The following ZNF536 variants were observed in gnomAD, a reference collection of about 807,000 sequenced individuals.
ZNF536 encodes the protein zinc finger protein 536.
ZNF536 carries 13 observed loss-of-function variants against 84.5 expected under a neutral mutation model. The ratio of observed to expected loss-of-function variants is 0.15; its 90% confidence interval spans 0.10 to 0.24. The LOEUF is 0.24. Ranked by LOEUF, ZNF536 falls within the 10% of genes least tolerant of loss-of-function variation. ZNF536 has a pLI of 1.00. For synonymous variants in ZNF536, 811 were observed against 742.5 expected (o/e 1.09, Z -1.50); for missense variants, 1,536 against 1,747.5 (o/e 0.88, Z 2.16).
intron 1 of ZNF536, among the ~76,000 whole-genome samples, chr19:30,409,906 A>G (rs2050409787): frequency 6.6e-6 from 1 of 152,156 alleles, no homozygotes; most frequent in Non-Finnish European, 1.5e-5. Flanking sequence ...GAATGCCTCT[A>G]AGTCCCTTTG....
intron 1 of ZNF536, among the ~76,000 whole-genome samples, chr19:30,270,641 C>T (rs145216053): frequency 7.2e-5 from 11 of 152,134 alleles, no homozygotes; most frequent in Middle Eastern, 3.4e-3. Flanking sequence ...GATCATGTGA[C>T]GGTTTGGTGA....
chr19:30,514,095 C>G (rs1313953692), intron 2 of ZNF536, among the ~76,000 whole-genome samples: 1 of 152,194 alleles, frequency 6.6e-6, no homozygotes, highest in African/African-American at 2.4e-5. Flanking sequence ...CCGTGGCAGG[C>G]TTTGCTTTGC....
chr19:30,404,729 G>GCA (rs1568396794), intron 1 of ZNF536, among the ~76,000 whole-genome samples: 9 of 152,122 alleles, frequency 5.9e-5, no homozygotes, highest in African/African-American at 2.2e-4. Context: ...CCAAATGTCC[G>GCA]GAGGCGGGGG....
In ZNF536 at chr19:30,247,814, G is replaced by A. The variant is rs2024366404; in HGVS notation, c.-190+19141G>A. Among the ~76,000 whole-genome samples, 3 of 152,352 alleles carry A rather than the reference G, an allele frequency of 2.0e-5. No homozygotes were observed. The South Asian group carries it at 6.2e-4, about 32-fold the overall frequency. The stretch of plus-strand genomic sequence containing the variant: ...ACTGCACTCCAGTCTGCGTGACAGA[G>A]TGAGATGCTGTCTCACTGTCACTTA... On this transcript the variant is annotated intron_variant, in intron 1 of 5. Coordinates refer to the ZNF536 transcript ENST00000585628.
At chr19:30,530,155 C>G (rs1809144731) in intron 2 of ZNF536, among the ~76,000 whole-genome samples, 7 of 152,180 alleles carry the variant, frequency 4.6e-5, no homozygotes, top group Admixed American at 4.6e-4. Context: ...GACCTCTGTC[C>G]ACATGTCTGC....
intron 1 of ZNF536, among the ~76,000 whole-genome samples, chr19:30,423,826 C>T (rs554528302): frequency 5.1e-4 from 72 of 141,840 alleles, no homozygotes; most frequent in African/African-American, 1.9e-3. Context: ...GCGGTCGCTG[C>T]GAAGGACGTC....
At chr19:30,310,906 C>G (rs1396371831) in intron 2 of ZNF536, among the ~76,000 whole-genome samples, 1 of 152,196 alleles carries the variant, frequency 6.6e-6, no homozygotes, top group Admixed American at 6.5e-5. Context: ...TTTGTAAAAC[C>G]CATTCCTCAT....
chr19:30,616,513 G>GATC (rs923512400), intron 1 of ZNF536, among the ~76,000 whole-genome samples: 1 of 152,068 alleles, frequency 6.6e-6, no homozygotes, highest in Non-Finnish European at 1.5e-5. Context: ...AACCCTATTT[G>GATC]ATCAAGGCCT....
At chr19:30,315,585 G>A (rs1055256354) in intron 2 of ZNF536, among the ~76,000 whole-genome samples, 5 of 152,158 alleles carry the variant, frequency 3.3e-5, no homozygotes, top group South Asian at 4.1e-4. Context: ...GAAGGGTTTC[G>A]TGTTTCAGTG....
intron 2 of ZNF536, among the ~76,000 whole-genome samples, chr19:30,446,248 C>CAAAAAAAAAAAAAAAAAAAAA (rs1177505634): frequency 1.1e-3 from 32 of 29,144 alleles, no homozygotes; most frequent in Non-Finnish European, 1.5e-3. Context: ...GACACTGTCT[C>CAAAAAAAAAAAAAAAAAAAAA]AAAAAAAAAA....
At chr19:30,400,294 T>C (rs1279821052) in intron 1 of ZNF536, among the ~76,000 whole-genome samples, 1 of 152,182 alleles carries the variant, frequency 6.6e-6, no homozygotes, top group Non-Finnish European at 1.5e-5. Context: ...TTTTATTTTT[T>C]AAGAAAATGT....
intron 1 of ZNF536, among the ~76,000 whole-genome samples, chr19:30,616,002 A>C (rs1042732915): frequency 1.3e-5 from 2 of 152,102 alleles, no homozygotes; most frequent in Non-Finnish European, 2.9e-5. Flanking sequence ...GGTTAACTTA[A>C]ACCACTGATT....
chr19:30,442,759 T>A (rs1039407398), intron 1 of ZNF536, among the ~76,000 whole-genome samples: 1 of 152,238 alleles, frequency 6.6e-6, no homozygotes, highest in Non-Finnish European at 1.5e-5. Context: ...CTCTGAGGTT[T>A]GCAAAGCCGC....
At chr19:30,396,586 CT>C (rs1277557326) in intron 1 of ZNF536, among the ~76,000 whole-genome samples, 1 of 92,740 alleles carries the variant, frequency 1.1e-5, no homozygotes. Context: ...TATGAGAGGG[CT>C]CTCTCTTTTT....
chr19:30,522,154 G>A (rs897447527), intron 2 of ZNF536, among the ~76,000 whole-genome samples: 1 of 147,950 alleles, frequency 6.8e-6, no homozygotes, highest in African/African-American at 2.5e-5. Flanking sequence ...CTGCTCTGTG[G>A]CCTGAGCCAG....
intron 1 of ZNF536, among the ~76,000 whole-genome samples, chr19:30,229,441 T>C (rs916342121): frequency 2.0e-5 from 3 of 152,266 alleles, no homozygotes; most frequent in African/African-American, 7.2e-5. Flanking sequence ...AATGATTATT[T>C]ACAGCGTTCA....
chr19:30,267,230 A>G (rs913573552), intron 1 of ZNF536, among the ~76,000 whole-genome samples: 2 of 152,332 alleles, frequency 1.3e-5, no homozygotes, highest in East Asian at 1.9e-4. Context: ...TGCATTTTCC[A>G]TTACTGTCTA....
chr19:30,527,038 C>T (rs1327515092), intron 2 of ZNF536, among the ~76,000 whole-genome samples: 1 of 151,730 alleles, frequency 6.6e-6, no homozygotes, highest in Non-Finnish European at 1.5e-5. Context: ...CTTATCTCAG[C>T]CTCCCGAATA....
intron 2 of ZNF536, among the ~76,000 whole-genome samples, chr19:30,310,689 A>G (rs2046471410): frequency 6.6e-6 from 1 of 152,216 alleles, no homozygotes; most frequent in Non-Finnish European, 1.5e-5. Context: ...ATCTCCATCA[A>G]AACAATTTGT....
Sources: allele counts gnomAD v4.1 joint callset (sites outside exome capture counted in the v4.1 genomes callset), GRCh38; gene constraint gnomAD v4.1.1; transcripts MANE v1.5; gene names NCBI Gene and HGNC (gene_info 2026-07-23, HGNC 2026-07-21).